The following UBN2 variants were observed in gnomAD, a reference collection of about 807,000 sequenced individuals.
UBN2 encodes the protein ubinuclein-2.
A neutral mutation model predicts 120.2 loss-of-function variants in UBN2; 35 were observed. The observed-to-expected ratio is 0.29, with a 90% CI of 0.22 to 0.39. UBN2 has a LOEUF of 0.39. Among genes scored for constraint, UBN2 ranks in the 10% least tolerant of loss-of-function variants. UBN2 has a pLI of 1.00. For missense variants in UBN2, 1,693 were observed against 1,663.2 expected, an observed-to-expected ratio of 1.02 and a Z score of -0.31; for synonymous variants, 661 against 648.7, an observed-to-expected ratio of 1.02 and a Z score of -0.29.
At chr7:139,280,526 A>G (rs764937723) in intron 13 of UBN2, among the ~76,000 whole-genome samples, 1 of 152,092 alleles carries the variant, frequency 6.6e-6, no homozygotes, top group Non-Finnish European at 1.5e-5. Flanking sequence ...TTTTTAATAG[A>G]TGAGGTTCTT....
Position 139,284,272 on chromosome 7 carries a change from T to G in UBN2, c.3367T>G (p.Ser1123Ala). 1 of 1,613,984 alleles carries G rather than the reference T, an allele frequency of 6.2e-7. No homozygotes were observed. The highest frequency in any genetic ancestry group is 8.5e-7 in the Non-Finnish European group (1 of 1,179,994). ...CAGTGGAATGAACATCAGCAGACAGTCTCCCACCTTGAATTTATTGCCCTC... is the reference window on the plus strand; with the variant it reads ...CAGTGGAATGAACATCAGCAGACAGGCTCCCACCTTGAATTTATTGCCCTC... Reference protein sequence around the residue: ...QPSGMNISRQSPTLNLLPSSR... With the variant: ...QPSGMNISRQAPTLNLLPSSR... The change falls in exon 15 of 18, where the codon TCT (serine) becomes GCT (alanine). Residue 1123 changes from serine to alanine, a missense_variant. Physicochemically the swap from Ser to Ala is moderately conservative, Grantham distance 99 (BLOSUM62 1). Coordinates refer to ENST00000473989, the MANE Select transcript of UBN2 (RefSeq NM_173569.4).
At chr7:139,246,780 G>T (rs577389960) in intron 2 of UBN2, among the ~76,000 whole-genome samples, 1 of 152,090 alleles carries the variant, frequency 6.6e-6, no homozygotes, top group Non-Finnish European at 1.5e-5. Context: ...ATGTTTGTTT[G>T]TTGGCCTTTT....
rs79807189 is a variant in UBN2, at chr7:139,255,037, T to C, written c.663+2980T>C. Among the ~76,000 whole-genome samples, 1,314 of 152,314 alleles carry C rather than the reference T, an allele frequency of 8.6e-3. 22 individuals carry two copies. The highest frequency in any genetic ancestry group is 0.03 in the African/African-American group (1,247 of 41,558). ...TTGGACAAATGAATAATGACACGTA[T>C]CTACCATGGTAGTATCACACAGAAG... is the stretch of plus-strand genomic sequence containing the variant. On this transcript the variant is annotated intron_variant, in intron 3 of 17. Transcript: ENST00000473989.
At chr7:139,265,770 A>G (rs1284188396) in intron 6 of UBN2, among the ~76,000 whole-genome samples, 2 of 152,160 alleles carry the variant, frequency 1.3e-5, no homozygotes, top group Non-Finnish European at 2.9e-5. Flanking sequence ...GCTGTGTCCA[A>G]AGAATGCTGG....
chr7:139,253,551 C>G (rs891918419), intron 3 of UBN2, among the ~76,000 whole-genome samples: 1 of 152,154 alleles, frequency 6.6e-6, no homozygotes, highest in Non-Finnish European at 1.5e-5. Flanking sequence ...GCCTTATTAC[C>G]AGGATGGTAC....
Position 139,234,665 on chromosome 7 carries a change from ATGAT to A in UBN2, c.469-2335_469-2332del, listed in dbSNP as rs537774742. Among the ~76,000 whole-genome samples, 303 of 152,342 alleles carry A rather than the reference ATGAT, an allele frequency of 2.0e-3. 1 individual carries two copies. The highest frequency in any genetic ancestry group is 7.1e-3 in the African/African-American group (297 of 41,582). On this transcript the variant is annotated intron_variant, in intron 1 of 17. Transcript: ENST00000473989. ...TGCATTTTAGAAATAAATTTTGGCA[ATGAT>A]TGATACACAAGAAAAGGTTTAACTC...
rs181311765 is a variant in UBN2 at position 139,304,995 on chromosome 7, G to A, written c.*7159G>A. The A allele has an allele frequency of 2.6e-5, 4 of 152,070 alleles. No individual in the cohort carries two copies. The highest frequency in any genetic ancestry group is 1.5e-5 in the Non-Finnish European group (1 of 68,010). The allele number at this position is 152,070 out of a possible 1,614,324, so 9.4% of individuals were successfully genotyped here. On this transcript the variant is annotated 3_prime_UTR_variant, in exon 18 of 18. Coordinates refer to ENST00000473989, the MANE Select transcript of UBN2 (RefSeq NM_173569.4). ...TGTGTGTTCATCTATCGTAAAATGTGAACTCTGTATTCAAAAACTATCTAC... is the reference window on the plus strand; with the variant it reads ...TGTGTGTTCATCTATCGTAAAATGTAAACTCTGTATTCAAAAACTATCTAC...
At chr7:139,277,780 C>G (rs1797487557) in intron 12 of UBN2, 1 of 152,186 alleles carries the variant, frequency 6.6e-6, no homozygotes. Flanking sequence ...TATCCTCAGA[C>G]AATATACTCC....
chr7:139,285,183 A>G (rs367965953), intron 15 of UBN2, among the ~76,000 whole-genome samples: 86 of 152,242 alleles, frequency 5.6e-4, no homozygotes, highest in African/African-American at 2.0e-3. Flanking sequence ...TTACCTCTCA[A>G]TTAGCTGAGT....
chr7:139,244,079 C>T (rs1003709750), intron 2 of UBN2, among the ~76,000 whole-genome samples: 2 of 152,094 alleles, frequency 1.3e-5, no homozygotes, highest in Admixed American at 1.3e-4. Flanking sequence ...CCTTCCTACC[C>T]CTGACTCCCA....
chr7:139,314,773 C>T, the UBN2 span, among the ~76,000 whole-genome samples: 25 of 151,988 alleles, frequency 1.6e-4, no homozygotes, highest in African/African-American at 4.6e-4. Flanking sequence ...GCGTGAGCCA[C>T]GGTGCCCGGC....
At chr7:139,255,631 G>GC (rs1563208643) in intron 3 of UBN2, among the ~76,000 whole-genome samples, 1 of 149,762 alleles carries the variant, frequency 6.7e-6, no homozygotes, top group East Asian at 1.9e-4. Flanking sequence ...CATATTATTT[G>GC]TTTTTTTTTA....
intron 2 of UBN2, among the ~76,000 whole-genome samples, chr7:139,244,989 C>T (rs995179530): frequency 2.6e-5 from 4 of 151,720 alleles, no homozygotes; most frequent in Admixed American, 6.6e-5. Context: ...ACTGGAGTGC[C>T]GTGATGTGAT....
intron 12 of UBN2, chr7:139,277,782 A>G (rs556327244): frequency 7.9e-5 from 12 of 152,334 alleles, no homozygotes; most frequent in African/African-American, 2.6e-4. Flanking sequence ...TCCTCAGACA[A>G]TATACTCCAA....
chr7:139,234,866 C>T (rs753932913), intron 1 of UBN2, among the ~76,000 whole-genome samples: 2 of 152,008 alleles, frequency 1.3e-5, no homozygotes, highest in Admixed American at 6.5e-5. Context: ...TGTGAAAGAC[C>T]TCCTGAAAAT....
intron 11 of UBN2, among the ~76,000 whole-genome samples, chr7:139,275,895 A>G (rs1797429084): frequency 6.6e-6 from 1 of 152,188 alleles, no homozygotes; most frequent in Admixed American, 6.5e-5. Flanking sequence ...GGACCATTTG[A>G]GCCCAGGAGG....
chr7:139,238,260 G>C (rs978074195), intron 2 of UBN2, among the ~76,000 whole-genome samples: 1 of 152,088 alleles, frequency 6.6e-6, no homozygotes, highest in East Asian at 1.9e-4. Context: ...ATACAACAGG[G>C]ATCTTGACCC....
intron 1 of UBN2, among the ~76,000 whole-genome samples, chr7:139,234,919 G>C (rs1796122551): frequency 1.3e-5 from 2 of 152,076 alleles, no homozygotes; most frequent in Admixed American, 1.3e-4. Flanking sequence ...TATTGCATCA[G>C]TTTTGCATGT....
At chr7:139,292,710 G>A (rs1036823304) in intron 15 of UBN2, among the ~76,000 whole-genome samples, 27 of 152,072 alleles carry the variant, frequency 1.8e-4, no homozygotes, top group African/African-American at 6.5e-4. Context: ...ATTTATACAG[G>A]AAAGTTCTAC....
Sources: gnomAD v4.1 joint callset for allele counts (sites outside exome capture counted in the v4.1 genomes callset) on GRCh38, gnomAD v4.1.1 for gene constraint, MANE v1.5 for transcripts, NCBI Gene and HGNC (gene_info 2026-07-23, HGNC 2026-07-21) for gene names.